Variants in ERBB4 observed in about 807,000 individuals in gnomAD.
ERBB4 encodes erb-b2 receptor tyrosine kinase 4, also known as receptor tyrosine-protein kinase erbB-4.
ERBB4 carries 42 observed loss-of-function variants against 158.0 expected under a neutral mutation model. That is an observed-to-expected ratio of 0.27 (90% confidence interval 0.21 to 0.34). The LOEUF (loss-of-function observed/expected upper bound fraction) is 0.34. Ranked by LOEUF, ERBB4 falls within the 10% of genes least tolerant of loss-of-function variation. ERBB4 has a pLI of 1.00. For missense variants in ERBB4, 1,333 were observed against 1,624.1 expected (o/e 0.82, Z 3.08); for synonymous variants, 583 against 558.7 (o/e 1.04, Z -0.61).
At chr2:212,373,578 A>T (rs891746176) in intron 1 of ERBB4, among the ~76,000 whole-genome samples, 2 of 151,670 alleles carry the variant, frequency 1.3e-5, no homozygotes, top group African/African-American at 2.4e-5. Flanking sequence ...ATAATGTAGC[A>T]GTTTAAATAA....
chr2:212,509,443 T>TC (rs1691382738), intron 1 of ERBB4, among the ~76,000 whole-genome samples: 1 of 152,018 alleles, frequency 6.6e-6, no homozygotes, highest in Non-Finnish European at 1.5e-5. Flanking sequence ...TCAAATACCC[T>TC]CCTCAGCCTG....
intron 2 of ERBB4, among the ~76,000 whole-genome samples, chr2:211,976,885 T>A (rs903443959): frequency 6.6e-6 from 1 of 152,162 alleles, no homozygotes; most frequent in East Asian, 1.9e-4. Context: ...ATAAACAGAC[T>A]GAAGGAGTAA....
intron 20 of ERBB4, 143 bp downstream of exon 20, chr2:211,561,760 C>T (rs2067399193): frequency 2.7e-6 from 2 of 747,960 alleles, no homozygotes; most frequent in East Asian, 5.2e-5. Context: ...AAAAGTACCT[C>T]TCTGTTATGT....
rs115473527 is a variant in ERBB4, at chr2:211,449,233, A to G, written c.2488-18133T>C. Among the ~76,000 whole-genome samples the G allele has an allele frequency of 3.1e-3, 476 of 152,258 alleles. 5 individuals carry two copies. Among genetic ancestry groups the G allele is most frequent in the African/African-American group, 0.011 (456 of 41,582 alleles). On this transcript the variant is annotated intron_variant, in intron 20 of 27. Coordinates refer to ENST00000342788, the MANE Select transcript of ERBB4 (RefSeq NM_005235.3). ...TTCATGTTATCACAGTATTGTTCTG[A>G]AATGTTTTAGACCGTGTAATATTAG... is the stretch of plus-strand genomic sequence containing the variant.
At chr2:211,861,047 AT>A (rs1396523979) in intron 3 of ERBB4, among the ~76,000 whole-genome samples, 3,176 of 11,248 alleles carry the variant, frequency 0.28, 604 homozygotes, top group Non-Finnish European at 0.32. Context: ...ATATTTATAT[AT>A]TTATATATAT....
At chr2:212,111,024 T>C (rs2371442) in intron 2 of ERBB4, among the ~76,000 whole-genome samples, 78,897 of 151,854 alleles carry the variant, frequency 0.52, 21,184 homozygotes, top group Non-Finnish European at 0.59. Flanking sequence ...AAAGCACATT[T>C]CCAATGAGGG....
At chr2:212,177,103 C>T (rs1357184945) in intron 1 of ERBB4, among the ~76,000 whole-genome samples, 1 of 151,712 alleles carries the variant, frequency 6.6e-6, no homozygotes, top group Admixed American at 6.6e-5. Context: ...CATTTGTAAT[C>T]ATCATATTAA....
At chr2:212,494,371 C>A (rs1014048033) in intron 1 of ERBB4, among the ~76,000 whole-genome samples, 2 of 151,956 alleles carry the variant, frequency 1.3e-5, no homozygotes, top group African/African-American at 4.8e-5. Context: ...ATAGATATTT[C>A]TCATTATTGG....
chr2:212,445,054 A>G (rs1038204310), intron 1 of ERBB4, among the ~76,000 whole-genome samples: 1 of 152,006 alleles, frequency 6.6e-6, no homozygotes, highest in African/African-American at 2.4e-5. Context: ...TTATAGCTAA[A>G]GAACTGTGGC....
At chr2:211,637,464 A>G (rs1334084328) in intron 16 of ERBB4, among the ~76,000 whole-genome samples, 1 of 152,046 alleles carries the variant, frequency 6.6e-6, no homozygotes, top group Non-Finnish European at 1.5e-5. Flanking sequence ...TATAGCACAC[A>G]GGGTGTCACT....
intron 2 of ERBB4, among the ~76,000 whole-genome samples, chr2:212,084,234 C>T (rs2078534760): frequency 6.6e-6 from 1 of 151,852 alleles, no homozygotes; most frequent in Non-Finnish European, 1.5e-5. Context: ...TCGGACAACT[C>T]AACAAATTAG....
chr2:211,472,013 G>A (rs964716792), intron 20 of ERBB4, among the ~76,000 whole-genome samples: 5 of 152,060 alleles, frequency 3.3e-5, no homozygotes, highest in Admixed American at 1.3e-4. Context: ...TGGAGCAGTA[G>A]GCTTCATGCT....
At position 211,683,742 on chromosome 2, in the gene ERBB4, G is replaced by T. The variant is rs992184173; in HGVS notation, c.1490-4558C>A. 9.0e-5 allele frequency among the ~76,000 whole-genome samples: 13 copies of T among 144,874 alleles called. No homozygotes were observed. In the East Asian group the frequency reaches 1.0e-3, roughly 11 times the overall value. ...ATATGGTAGTAACACTTTAGTCAGGGTTTTTTTTTTTTTAAGAAAGTAGCA... is the reference window on the plus strand; with the variant it reads ...ATATGGTAGTAACACTTTAGTCAGGTTTTTTTTTTTTTTAAGAAAGTAGCA... On this transcript the variant is annotated intron_variant, in intron 12 of 27. Coordinates refer to ENST00000342788, the MANE Select transcript of ERBB4 (RefSeq NM_005235.3).
At chr2:212,323,236 T>G (rs1260827210) in intron 1 of ERBB4, among the ~76,000 whole-genome samples, 1 of 150,576 alleles carries the variant, frequency 6.6e-6, no homozygotes. Context: ...TGTACCACGT[T>G]TTTACTCATT....
chr2:211,769,404 C>T (rs2075636226), intron 4 of ERBB4, among the ~76,000 whole-genome samples: 1 of 152,110 alleles, frequency 6.6e-6, no homozygotes, highest in Non-Finnish European at 1.5e-5. Flanking sequence ...AAAGTTGCTT[C>T]CACATTTCCA....
At chr2:212,142,044 G>T (rs777677866) in intron 1 of ERBB4, among the ~76,000 whole-genome samples, 21 of 152,216 alleles carry the variant, frequency 1.4e-4, no homozygotes, top group Non-Finnish European at 2.5e-4. Flanking sequence ...CACTTACTCA[G>T]ATCTGGCCAC....
At position 212,538,519 on chromosome 2, in the gene ERBB4, C is replaced by T. The variant is rs779335121; in HGVS notation, c.12G>A (p.Ala4=). 8 of 1,613,982 alleles carry T rather than the reference C, an allele frequency of 5.0e-6. No individual in the cohort carries two copies. The highest frequency in any genetic ancestry group is 1.7e-5 in the Admixed American group (1 of 60,018). The part of the protein sequence containing the change: MKP[A]TGLWVWVSLL... The stretch of plus-strand genomic sequence containing the variant: ...GGCTCACCCAGACCCAAAGTCCTGT[C>T]GCCGGCTTCATTTTTTGGAAGTCTC... Residue 4 remains alanine, a synonymous_variant, in exon 1 of 28, where the codon GCG becomes GCA. Transcript: ENST00000342788.
At chr2:211,794,297 T>C (rs1431873738) in intron 3 of ERBB4, among the ~76,000 whole-genome samples, 1 of 151,940 alleles carries the variant, frequency 6.6e-6, no homozygotes, top group African/African-American at 2.4e-5. Flanking sequence ...GAGTTCCCCC[T>C]TCCTCTAACT....
intron 3 of ERBB4, among the ~76,000 whole-genome samples, chr2:211,874,720 C>T (rs73989222): frequency 0.014 from 2,187 of 152,208 alleles, 65 homozygotes; most frequent in African/African-American, 0.05. Flanking sequence ...CCATGCCATA[C>T]AGCAACAGAG....
Sources: allele counts gnomAD v4.1 joint callset (sites outside exome capture counted in the v4.1 genomes callset), GRCh38; gene constraint gnomAD v4.1.1; transcripts MANE v1.5; gene names NCBI Gene and HGNC (gene_info 2026-07-23, HGNC 2026-07-21).